The following ACSS1 variants were observed in gnomAD, a reference collection of about 807,000 sequenced individuals.
ACSS1 encodes acyl-CoA synthetase short chain family member 1, also known as acetyl-coenzyme A synthetase 2-like, mitochondrial.
Under a neutral mutation model 75.3 loss-of-function variants are expected in ACSS1, and 42 were observed. The ratio of observed to expected loss-of-function variants is 0.56; its 90% CI spans 0.44 to 0.72. ACSS1 has a LOEUF of 0.72. ACSS1 is among the 30% of genes least tolerant of loss of function. The probability of loss-of-function intolerance (pLI) is 0.00; values close to 1 mark genes in which losing one functional copy is unlikely to be tolerated. For synonymous variants in ACSS1, 380 were observed against 376.8 expected (o/e 1.01, Z -0.10); for missense variants, 782 against 935.7 (o/e 0.84, Z 2.14).
At chr20:25,027,380 C>A (rs1418500755) in intron 3 of ACSS1, among the ~76,000 whole-genome samples, 1 of 152,096 alleles carries the variant, frequency 6.6e-6, no homozygotes, top group Non-Finnish European at 1.5e-5. Flanking sequence ...AACAATGATA[C>A]AAAACTCTTC....
chr20:25,035,112 A>T (rs1002058533), intron 2 of ACSS1, among the ~76,000 whole-genome samples: 2 of 151,040 alleles, frequency 1.3e-5, no homozygotes, highest in Non-Finnish European at 2.9e-5. Context: ...CACCAGGATG[A>T]TCTCAATCTC....
chr20:25,022,266 C>G lies in ACSS1; in HGVS notation c.960+674G>C, dbSNP rs138091307. ...ATCCCAGCTACTCAGAAAGCTGAGA[C>G]AGGAGAGTCACTTGAACCCAGGAGG... On this transcript the variant is annotated intron_variant, in intron 5 of 13. Coordinates refer to ENST00000323482, the MANE Select transcript of ACSS1 (RefSeq NM_032501.4). Among the ~76,000 whole-genome samples, 20 of 152,250 alleles carry G rather than the reference C, an allele frequency of 1.3e-4. No homozygotes were observed. In the East Asian group the frequency reaches 3.7e-3, roughly 28 times the overall value.
At chr20:25,055,503 C>A (rs2089229397) in intron 1 of ACSS1, among the ~76,000 whole-genome samples, 1 of 152,214 alleles carries the variant, frequency 6.6e-6, no homozygotes, top group Non-Finnish European at 1.5e-5. Flanking sequence ...TTTAGAAGTG[C>A]CTTCATCTGC....
chr20:25,015,557 A>G (rs903448149), intron 7 of ACSS1, among the ~76,000 whole-genome samples: 3 of 152,208 alleles, frequency 2.0e-5, no homozygotes, highest in Non-Finnish European at 4.4e-5. Flanking sequence ...TTGGCCTCCC[A>G]AAGTGCTGGG....
chr20:25,009,316 A>G lies in ACSS1; in HGVS notation c.1844T>C (p.Met615Thr), dbSNP rs1225128008. 1.2e-6 allele frequency: 2 copies of G among 1,614,248 alleles called. No individual in the cohort carries two copies. The highest frequency in any genetic ancestry group is 2.2e-5 in the East Asian group (1 of 44,888). Residue 615 changes from methionine (M) to threonine (T), a missense_variant, in exon 13 of 14, where the codon ATG becomes ACG. Transcript: ENST00000323482. ...SDVVVQELKS[M>T]VATKIAKYAV... ...ATATTTGGCGATCTTGGTGGCCACC[A>G]TGGACTTGAGCTCCTGCACCACCAC... is the stretch of plus-strand genomic sequence containing the variant.
At chr20:25,032,751 C>A in intron 2 of ACSS1, 1 of 1,054,160 alleles carries the variant, frequency 9.5e-7, no homozygotes, top group Non-Finnish European at 1.2e-6. Flanking sequence ...GAAACCACAG[C>A]AGAATGAAAA....
chr20:25,012,401 G>T, intron 12 of ACSS1, 200 bp downstream of exon 12: 1 of 643,272 alleles, frequency 1.6e-6, no homozygotes, highest in East Asian at 2.8e-5. Flanking sequence ...GCAGAACCAG[G>T]GCATTTCAGA....
chr20:25,054,797 CAATAGATCACACAAA>C (rs1352018330), intron 1 of ACSS1, among the ~76,000 whole-genome samples: 1 of 152,182 alleles, frequency 6.6e-6, no homozygotes, highest in Non-Finnish European at 1.5e-5. Flanking sequence ...GCATGAGGCC[CAATAGATCACACAAA>C]AATGGAGTCA....
At chr20:25,037,338 C>T (rs1600336720) in intron 2 of ACSS1, among the ~76,000 whole-genome samples, 1 of 152,172 alleles carries the variant, frequency 6.6e-6, no homozygotes, top group African/African-American at 2.4e-5. Flanking sequence ...CCTCCTTCCC[C>T]TGAGGGGCTA....
At chr20:25,043,791 C>T (rs934194110) in intron 2 of ACSS1, among the ~76,000 whole-genome samples, 5 of 152,320 alleles carry the variant, frequency 3.3e-5, no homozygotes, top group South Asian at 2.1e-4. Flanking sequence ...GCTTCATGCA[C>T]GCCTGCCAGG....
chr20:25,011,982 C>T, intron 12 of ACSS1: 1 of 156,630 alleles, frequency 6.4e-6, no homozygotes, highest in Non-Finnish European at 1.4e-5. Flanking sequence ...CATTGCAACA[C>T]CTAGGTGCTC....
At chr20:25,041,541 T>C (rs957121536) in intron 2 of ACSS1, among the ~76,000 whole-genome samples, 4 of 152,202 alleles carry the variant, frequency 2.6e-5, no homozygotes, top group Admixed American at 2.0e-4. Flanking sequence ...TCAAAGGCAC[T>C]ACCCCAGGGA....
intron 2 of ACSS1, among the ~76,000 whole-genome samples, chr20:25,043,939 G>A (rs1264087903): frequency 2.0e-5 from 3 of 152,340 alleles, no homozygotes; most frequent in African/African-American, 7.2e-5. Context: ...TTAAGTTCAA[G>A]TTTAAGTTCA....
At chr20:25,023,399 G>A (rs935488862) in intron 4 of ACSS1, 67 bp downstream of exon 4, 19 of 1,588,898 alleles carry the variant, frequency 1.2e-5, no homozygotes, top group African/African-American at 4.0e-5. Context: ...ACCACAACCC[G>A]AGAAGCCTCA....
intron 7 of ACSS1, among the ~76,000 whole-genome samples, chr20:25,018,821 G>A (rs943709471): frequency 7.2e-5 from 11 of 152,270 alleles, no homozygotes; most frequent in African/African-American, 2.6e-4. Flanking sequence ...AAGAGGAGGA[G>A]GAGTCATTGG....
rs2088330548 is a variant in ACSS1 at position 25,007,576 on chromosome 20, C to T, written c.*186G>A. The T allele has an allele frequency of 2.6e-5, 37 of 1,439,432 alleles. No individual in the cohort carries two copies. Among genetic ancestry groups the T allele is most frequent in the Middle Eastern group, 2.6e-4 (1 of 3,870 alleles). 89.2% of individuals were successfully genotyped at this position (1,439,432 alleles called of 1,614,324 possible). On this transcript the variant is annotated 3_prime_UTR_variant, in exon 14 of 14. Coordinates refer to ENST00000323482, the MANE Select transcript of ACSS1 (RefSeq NM_032501.4). ...CATAGCCTCTCCATGGGTGACACTC[C>T]TGGGACCTCCAATGGATGGGAGAAA...
Position 25,022,982 on chromosome 20 carries a change from A to G in ACSS1, c.918T>C (p.His306=). The change falls in exon 5 of 14, where the codon CAT becomes CAC. Residue 306 remains histidine, a synonymous_variant. Coordinates refer to ENST00000323482, the MANE Select transcript of ACSS1 (RefSeq NM_032501.4). ...GSTGMPKGIV[H]TQAGYLLYAA... ...CATAGAGCAGGTAGCCTGCCTGGGTATGGACGATGCCCTTGGGCATTCCGG... is the reference window on the plus strand; with the variant it reads ...CATAGAGCAGGTAGCCTGCCTGGGTGTGGACGATGCCCTTGGGCATTCCGG... 6.2e-7 allele frequency: 1 copy of G among 1,614,078 alleles called. No individual in the cohort carries two copies. The highest frequency in any genetic ancestry group is 1.1e-5 in the South Asian group (1 of 91,078).
At position 25,023,052 on chromosome 20, in the gene ACSS1, A is replaced by G. The variant is rs2088651917; in HGVS notation, c.848T>C (p.Met283Thr). 3 of 1,613,936 alleles carry G rather than the reference A, an allele frequency of 1.9e-6. No homozygotes were observed. Among genetic ancestry groups the G allele is most frequent in the Non-Finnish European group, 2.5e-6 (3 of 1,179,956 alleles). Residue 283 changes from methionine to threonine, a missense_variant, in exon 5 of 14, where the codon ATG becomes ACG. Physicochemically the swap from Met to Thr is moderately conservative, Grantham distance 81 (BLOSUM62 -1). Around this residue, in one of 2 missense-constraint regions of ACSS1, gnomAD observed 405 missense variants for 552.6 expected, o/e 0.73. Coordinates refer to ENST00000323482, the MANE Select transcript of ACSS1 (RefSeq NM_032501.4). ...CATGAAGAGCATGTCCTCACTGCCC[A>G]TGCTCTCTGGGGCGCAAACAGGGTC... ...KEDPVCAPES[M>T]GSEDMLFMLY... is the part of the protein sequence containing the mutation.
chr20:25,019,991 T>A lies in ACSS1; in HGVS notation c.1246+19A>T. 1.2e-6 allele frequency: 2 copies of A among 1,614,072 alleles called. No homozygotes were observed. Among genetic ancestry groups the A allele is most frequent in the Non-Finnish European group, 1.7e-6 (2 of 1,179,988 alleles). On this transcript the variant is annotated intron_variant, in intron 7 of 13. Transcript: ENST00000323482. Reference sequence around the variant, plus strand: ...CTAGGGCAAGCACAACCTCTCCTGCTGCAGGGCAGGCCGCTCACCTGACCC... The same window carrying A: ...CTAGGGCAAGCACAACCTCTCCTGCAGCAGGGCAGGCCGCTCACCTGACCC...
Sources: allele counts gnomAD v4.1 joint callset (sites outside exome capture counted in the v4.1 genomes callset), GRCh38; gene constraint gnomAD v4.1.1; regional missense constraint gnomAD v4.1.1; transcripts MANE v1.5; gene names NCBI Gene and HGNC (gene_info 2026-07-23, HGNC 2026-07-21).